Variants in CAP2 observed in about 807,000 individuals in gnomAD.
CAP2 encodes the protein adenylyl cyclase-associated protein 2.
A neutral mutation model predicts 57.7 loss-of-function variants in CAP2; 24 were observed. The observed-to-expected ratio is 0.42, with a 90% CI of 0.30 to 0.58. The LOEUF is 0.58. Ranked by LOEUF, CAP2 falls within the 20% of genes least tolerant of loss-of-function variation. The pLI, the probability that CAP2 is intolerant of heterozygous loss-of-function variation, is 0.22. For missense variants in CAP2, 501 were observed against 590.3 expected (o/e 0.85, Z 1.57); for synonymous variants, 194 against 207.2 (o/e 0.94, Z 0.55).
At chr6:17,486,899 G>A (rs1761433350) in intron 4 of CAP2, among the ~76,000 whole-genome samples, 1 of 152,036 alleles carries the variant, frequency 6.6e-6, no homozygotes, top group South Asian at 2.1e-4. Context: ...GGTCACCCCC[G>A]GCTTCCAGGC....
chr6:17,549,993 A>T (rs746475420), intron 11 of CAP2, among the ~76,000 whole-genome samples: 7 of 152,258 alleles, frequency 4.6e-5, no homozygotes, highest in Non-Finnish European at 1.0e-4. Flanking sequence ...CAATAAAAAC[A>T]ATTTAAATGT....
intron 7 of CAP2, among the ~76,000 whole-genome samples, chr6:17,521,524 A>G (rs1364033314): frequency 6.6e-6 from 1 of 152,230 alleles, no homozygotes; most frequent in Non-Finnish European, 1.5e-5. Context: ...CAGAGACCAC[A>G]TAATTAAACC....
chr6:17,433,648 G>A (rs1759799750), intron 3 of CAP2, among the ~76,000 whole-genome samples: 1 of 152,214 alleles, frequency 6.6e-6, no homozygotes, highest in African/African-American at 2.4e-5. Flanking sequence ...GGCTCGGCCT[G>A]ATCATTACTA....
At chr6:17,480,761 G>A (rs551021600) in intron 4 of CAP2, among the ~76,000 whole-genome samples, 35 of 148,904 alleles carry the variant, frequency 2.4e-4, no homozygotes, top group African/African-American at 7.7e-4. Context: ...GGTGCTAAAT[G>A]TGGTTTTTTT....
rs145936619 is a variant in CAP2, at chr6:17,526,483, C to G, written c.636+12529C>G. On this transcript the variant is annotated intron_variant, in intron 7 of 12. Transcript: ENST00000229922. ...GGACAATGCATTTTATTCAGGAACA[C>G]CCATCAACCGCCCACACCTCCTCTG... Among the ~76,000 whole-genome samples, 974 of 152,212 alleles carry G rather than the reference C, an allele frequency of 6.4e-3. 6 individuals are homozygous for G. Among genetic ancestry groups the G allele is most frequent in the Non-Finnish European group, 9.9e-3 (672 of 68,004 alleles).
intron 1 of CAP2, among the ~76,000 whole-genome samples, chr6:17,403,395 G>A (rs201363630): frequency 3.3e-5 from 5 of 152,328 alleles, no homozygotes; most frequent in South Asian, 2.1e-4. Context: ...GAGCCACAGC[G>A]CCCAGCCACC....
intron 3 of CAP2, among the ~76,000 whole-genome samples, chr6:17,458,627 A>G (rs1760639470): frequency 6.6e-6 from 1 of 152,310 alleles, no homozygotes; most frequent in African/African-American, 2.4e-5. Context: ...ATTATCTGAT[A>G]TTGACACGGG....
chr6:17,531,715 A>G, intron 7 of CAP2: 1 of 631,874 alleles, frequency 1.6e-6, no homozygotes, highest in Non-Finnish European at 2.7e-6. Context: ...CCTGTACTTA[A>G]AGTTGGAGAT....
At chr6:17,477,063 G>A (rs964860147) in intron 4 of CAP2, among the ~76,000 whole-genome samples, 3 of 151,968 alleles carry the variant, frequency 2.0e-5, no homozygotes, top group Admixed American at 6.6e-5. Flanking sequence ...TAGAGACGGG[G>A]TTTCACCATG....
intron 7 of CAP2, among the ~76,000 whole-genome samples, chr6:17,522,541 AT>A (rs1293646561): frequency 6.6e-6 from 1 of 152,182 alleles, no homozygotes; most frequent in African/African-American, 2.4e-5. Context: ...CTTGATTTGG[AT>A]CTTGACGGTG....
At position 17,539,308 on chromosome 6, in the gene CAP2, T is replaced by A. The variant is rs774357637; in HGVS notation, c.676T>A (p.Ser226Thr). 6.2e-6 allele frequency: 10 copies of A among 1,613,966 alleles called. No individual in the cohort carries two copies. Among genetic ancestry groups the A allele is most frequent in the Non-Finnish European group, 8.5e-6 (10 of 1,179,924 alleles). Residue 226 changes from serine (S) to threonine (T), a missense_variant, in exon 8 of 13, where the codon TCC (serine) becomes ACC (threonine). Ser to Thr is a moderately conservative substitution (Grantham distance 58, BLOSUM62 1). Coordinates refer to ENST00000229922, the MANE Select transcript of CAP2 (RefSeq NM_006366.3). Reference protein sequence around the residue: ...ASTVSAFSVLSSGPGLPPPPP... With the variant: ...ASTVSAFSVLTSGPGLPPPPP... ...CACAGTATCAGCGTTTTCTGTCCTCTCCTCTGGGCCTGGCCTTCCTCCACC... is the reference window on the plus strand; with the variant it reads ...CACAGTATCAGCGTTTTCTGTCCTCACCTCTGGGCCTGGCCTTCCTCCACC...
intron 2 of CAP2, among the ~76,000 whole-genome samples, chr6:17,422,540 G>C (rs1456577589): frequency 6.6e-6 from 1 of 151,690 alleles, no homozygotes; most frequent in African/African-American, 2.4e-5. Context: ...TAATAGAGAC[G>C]GGGTTTCACC....
Position 17,531,430 on chromosome 6 carries a change from T to C in CAP2, c.637-7839T>C, listed in dbSNP as rs560841910. 32 of 1,587,010 alleles carry C rather than the reference T, an allele frequency of 2.0e-5. 1 individual carries two copies. In the African/African-American group the frequency reaches 2.9e-4, roughly 15 times the overall value. ...CAGCTTTTCTTGCCATCCTCGCCAT[T>C]TGAATTTCAGTTCTGTACATCTGCC... On this transcript the variant is annotated intron_variant, in intron 7 of 12. Coordinates refer to ENST00000229922, the MANE Select transcript of CAP2 (RefSeq NM_006366.3).
At chr6:17,486,408 A>T (rs1761420572) in intron 4 of CAP2, among the ~76,000 whole-genome samples, 1 of 151,994 alleles carries the variant, frequency 6.6e-6, no homozygotes, top group African/African-American at 2.4e-5. Context: ...ATTCAAGACC[A>T]GCCTGGGCAA....
At chr6:17,417,646 T>G (rs2113526684) in intron 1 of CAP2, among the ~76,000 whole-genome samples, 1 of 152,290 alleles carries the variant, frequency 6.6e-6, no homozygotes, top group African/African-American at 2.4e-5. Context: ...CCACACACAC[T>G]CACACTCTGG....
chr6:17,434,026 C>T (rs1759809977), intron 3 of CAP2, among the ~76,000 whole-genome samples: 1 of 152,044 alleles, frequency 6.6e-6, no homozygotes, highest in African/African-American at 2.4e-5. Context: ...CCCATTTACT[C>T]TACCAATGAA....
At chr6:17,438,248 C>T (rs1759956212) in intron 3 of CAP2, among the ~76,000 whole-genome samples, 2 of 150,696 alleles carry the variant, frequency 1.3e-5, no homozygotes, top group South Asian at 4.2e-4. Flanking sequence ...TGCCTGTAAT[C>T]CCAGCTACTC....
At chr6:17,553,488 C>T (rs1461404474) in intron 12 of CAP2, among the ~76,000 whole-genome samples, 1 of 152,074 alleles carries the variant, frequency 6.6e-6, no homozygotes, top group African/African-American at 2.4e-5. Flanking sequence ...AAAAAATTAG[C>T]TGGGCGTGGT....
intron 7 of CAP2, chr6:17,531,360 T>A: frequency 6.4e-7 from 1 of 1,565,906 alleles, no homozygotes; most frequent in East Asian, 2.2e-5. Flanking sequence ...CCTCTGATCC[T>A]GATGACAAAC....
Sources: gnomAD v4.1 joint callset for allele counts (sites outside exome capture counted in the v4.1 genomes callset) on GRCh38, gnomAD v4.1.1 for gene constraint, MANE v1.5 for transcripts, NCBI Gene and HGNC (gene_info 2026-07-23, HGNC 2026-07-21) for gene names.